APBA2: variants seen among roughly 807,000 people sequenced by gnomAD.
APBA2 encodes the protein amyloid-beta A4 precursor protein-binding family A member 2.
A neutral mutation model predicts 75.0 loss-of-function variants in APBA2; 30 were observed. The ratio of observed to expected loss-of-function variants is 0.40; its 90% CI spans 0.30 to 0.54. APBA2 has a LOEUF of 0.54. Among genes scored for constraint, APBA2 ranks in the 20% least tolerant of loss-of-function variants. APBA2 has a pLI of 0.49. For missense variants in APBA2, 801 were observed against 1,016.1 expected (o/e 0.79, Z 2.88); for synonymous variants, 444 against 409.6 (o/e 1.08, Z -1.01).
chr15:28,923,465 T>C (rs1305267051), intron 2 of APBA2, among the ~76,000 whole-genome samples: 1 of 151,614 alleles, frequency 6.6e-6, no homozygotes. Flanking sequence ...GCAGTGTGTA[T>C]CAGTCAGGAT....
In APBA2 at chr15:29,070,147, A is replaced by G. The variant is rs112985214; in HGVS notation, c.952-4774A>G. 5.9e-3 allele frequency among the ~76,000 whole-genome samples: 885 copies of G among 149,590 alleles called. 12 individuals are homozygous for G. Among genetic ancestry groups the G allele is most frequent in the African/African-American group, 0.021 (833 of 38,984 alleles). ...ATAGGATTTTGGTTTTTCAAGATGA[A>G]AAAACTTATAGTGGTGAGGGTTGTA... On this transcript the variant is annotated intron_variant, in intron 4 of 14. Transcript: ENST00000683413.
chr15:29,019,451 C>T lies in APBA2; in HGVS notation c.-41+23645C>T, dbSNP rs189601808. 2.0e-3 allele frequency among the ~76,000 whole-genome samples: 301 copies of T among 152,318 alleles called. 1 individual carries two copies. The highest frequency in any genetic ancestry group is 3.3e-3 in the Non-Finnish European group (225 of 68,000). On this transcript the variant is annotated intron_variant, in intron 3 of 14. Coordinates refer to ENST00000683413, the MANE Select transcript of APBA2 (RefSeq NM_001353788.2). ...CATCAGAGATAAAGCAGAGTTCTCC[C>T]TTGGCTGCATCTACAACCTTCCTCT...
At chr15:28,996,662 A>C (rs2038540920) in intron 3 of APBA2, among the ~76,000 whole-genome samples, 1 of 152,180 alleles carries the variant, frequency 6.6e-6, no homozygotes, top group Non-Finnish European at 1.5e-5. Context: ...TGCTGGAGTT[A>C]AAGAAGCAGA....
rs139314437 is a variant in APBA2 at position 29,043,529 on chromosome 15, G to A, written c.-40-10316G>A. ...CTAGAGGAAGGAAATAGGTACCATT[G>A]TCCCATCACTCGAAGGCAGCCCTTG... On this transcript the variant is annotated intron_variant, in intron 3 of 14. Coordinates refer to ENST00000683413, the MANE Select transcript of APBA2 (RefSeq NM_001353788.2). 2.6e-4 allele frequency among the ~76,000 whole-genome samples: 39 copies of A among 152,326 alleles called. No individual in the cohort carries two copies. The East Asian group carries it at 6.8e-3, about 26-fold the overall frequency.
chr15:28,912,301 A>T (rs2033465848), intron 1 of APBA2, among the ~76,000 whole-genome samples: 1 of 152,212 alleles, frequency 6.6e-6, no homozygotes, highest in African/African-American at 2.4e-5. Flanking sequence ...TTCTGGGAAT[A>T]TACTATGGAT....
chr15:29,091,142 C>G (rs1211456866), intron 6 of APBA2, among the ~76,000 whole-genome samples: 1 of 152,162 alleles, frequency 6.6e-6, no homozygotes, highest in Non-Finnish European at 1.5e-5. Flanking sequence ...TCCCGCAGTC[C>G]CCCACATTGG....
At chr15:29,098,416 G>GC in intron 8 of APBA2, 74 bp from the exon 9 acceptor site, 1 of 1,010,466 alleles carries the variant, frequency 9.9e-7, no homozygotes, top group East Asian at 2.4e-5. Flanking sequence ...TGAGCATTTT[G>GC]TCATAATGCT....
chr15:29,070,355 G>C (rs2042564624), intron 4 of APBA2, among the ~76,000 whole-genome samples: 1 of 152,208 alleles, frequency 6.6e-6, no homozygotes, highest in Non-Finnish European at 1.5e-5. Context: ...GGATGCAGGA[G>C]GGACTCCCCT....
In APBA2 at chr15:28,904,081, A is replaced by G. The variant is rs1216031818; in HGVS notation, c.-204-17559A>G. Among the ~76,000 whole-genome samples the G allele has an allele frequency of 2.0e-5, 3 of 152,224 alleles. No individual in the cohort carries two copies. The South Asian group carries it at 6.2e-4, about 32-fold the overall frequency. On this transcript the variant is annotated intron_variant, in intron 1 of 14. Coordinates refer to ENST00000683413, the MANE Select transcript of APBA2 (RefSeq NM_001353788.2). ...ATTACAGCGATTTTTGGCAAGAGAG[A>G]ACACTTTTATTTAAAAAACATTATT...
At chr15:28,967,062 T>C (rs1429877385) in intron 2 of APBA2, among the ~76,000 whole-genome samples, 1 of 152,226 alleles carries the variant, frequency 6.6e-6, no homozygotes, top group Non-Finnish European at 1.5e-5. Flanking sequence ...TGTTAGTCTC[T>C]TTTTCTGTTT....
chr15:28,912,623 C>T (rs1298166712), intron 1 of APBA2, among the ~76,000 whole-genome samples: 2 of 152,184 alleles, frequency 1.3e-5, no homozygotes, highest in Non-Finnish European at 2.9e-5. Context: ...TAGCCCAGCA[C>T]CCTCCAGAGG....
intron 3 of APBA2, among the ~76,000 whole-genome samples, chr15:29,024,835 G>A (rs1453468512): frequency 2.6e-5 from 4 of 152,110 alleles, no homozygotes; most frequent in East Asian, 3.9e-4. Flanking sequence ...CATGGGGCTC[G>A]TGTTGCCCAT....
intron 2 of APBA2, among the ~76,000 whole-genome samples, chr15:28,994,424 C>T (rs1189763947): frequency 6.6e-6 from 1 of 152,030 alleles, no homozygotes; most frequent in Non-Finnish European, 1.5e-5. Flanking sequence ...TGTTGCTTCA[C>T]AGAACAGGCC....
chr15:28,899,335 C>G (rs2032706159), intron 1 of APBA2, among the ~76,000 whole-genome samples: 1 of 152,232 alleles, frequency 6.6e-6, no homozygotes, highest in Admixed American at 6.5e-5. Flanking sequence ...TCTACTTTGC[C>G]CCTTCCGGGT....
chr15:28,992,957 G>C (rs2038312827), intron 2 of APBA2, among the ~76,000 whole-genome samples: 2 of 152,230 alleles, frequency 1.3e-5, no homozygotes, highest in African/African-American at 2.4e-5. Context: ...GCAGGTCCCA[G>C]CCTTTCTGTC....
In APBA2 at chr15:28,969,140, CTTT is replaced by C. The variant is rs1185679936; in HGVS notation, c.-94-26612_-94-26610del. ...ACCTTTCATTTCTTTTTCTTTCTTT[CTTT>C]CTTTCTTTCTTTCTTTCTTTCTTTC... On this transcript the variant is annotated intron_variant, in intron 2 of 14. Coordinates refer to ENST00000683413, the MANE Select transcript of APBA2 (RefSeq NM_001353788.2). Among the ~76,000 whole-genome samples the C allele has an allele frequency of 2.6e-3, 184 of 70,474 alleles. 1 individual carries two copies. The African/African-American group carries it at 0.077, about 30-fold the overall frequency. The allele number at this position is 70,474 out of a possible 152,430, so 46.2% of individuals were successfully genotyped here.
chr15:29,084,838 G>A (rs1007389982), intron 6 of APBA2, among the ~76,000 whole-genome samples: 3 of 152,160 alleles, frequency 2.0e-5, no homozygotes, highest in Admixed American at 1.3e-4. Context: ...GGATTTTGCT[G>A]ATTGCATCTT....
At chr15:28,924,372 G>A (rs534851529) in intron 2 of APBA2, among the ~76,000 whole-genome samples, 3 of 152,284 alleles carry the variant, frequency 2.0e-5, no homozygotes, top group Non-Finnish European at 4.4e-5. Context: ...GTTCCAACAA[G>A]TTTTCTTCAT....
chr15:28,899,981 C>T (rs2032752049), intron 1 of APBA2, among the ~76,000 whole-genome samples: 2 of 152,060 alleles, frequency 1.3e-5, no homozygotes, highest in South Asian at 4.1e-4. Flanking sequence ...GATGAGGAGG[C>T]AGGGCAGGAG....
Sources: allele counts gnomAD v4.1 joint callset (sites outside exome capture counted in the v4.1 genomes callset), GRCh38; gene constraint gnomAD v4.1.1; transcripts MANE v1.5; gene names NCBI Gene and HGNC (gene_info 2026-07-23, HGNC 2026-07-21).